KCNQ5: variants seen among roughly 807,000 people sequenced by gnomAD.
KCNQ5 encodes the protein potassium voltage-gated channel subfamily KQT member 5.
In KCNQ5, 30 loss-of-function variants were observed where a neutral mutation model predicts 98.2. The ratio of observed to expected loss-of-function variants is 0.31; its 90% CI spans 0.23 to 0.41. The LOEUF (loss-of-function observed/expected upper bound fraction) is 0.41. Ranked by LOEUF, KCNQ5 falls within the 10% of genes least tolerant of loss-of-function variation. The pLI, the probability that KCNQ5 is intolerant of heterozygous loss-of-function variation, is 1.00. For missense variants in KCNQ5, 835 were observed against 1,182.5 expected (o/e 0.71, Z 4.31); for synonymous variants, 458 against 449.4 (o/e 1.02, Z -0.24).
intron 1 of KCNQ5, among the ~76,000 whole-genome samples, chr6:72,939,156 G>T (rs1041849636): frequency 2.0e-5 from 3 of 152,118 alleles, no homozygotes; most frequent in Non-Finnish European, 2.9e-5. Context: ...TTTGGCGAGC[G>T]GGTGGAAGCT....
intron 10 of KCNQ5, among the ~76,000 whole-genome samples, chr6:73,169,106 A>G (rs1777908184): frequency 6.6e-6 from 1 of 152,242 alleles, no homozygotes; most frequent in Non-Finnish European, 1.5e-5. Flanking sequence ...GGCATTTATT[A>G]TAACCCTGCT....
intron 1 of KCNQ5, among the ~76,000 whole-genome samples, chr6:72,645,467 C>T (rs1765551379): frequency 6.6e-6 from 1 of 151,388 alleles, no homozygotes; most frequent in South Asian, 2.1e-4. Flanking sequence ...ATTCTTATTG[C>T]AGGTTGCCAG....
chr6:73,066,310 C>T (rs941693788), intron 3 of KCNQ5, among the ~76,000 whole-genome samples: 4 of 152,130 alleles, frequency 2.6e-5, no homozygotes, highest in African/African-American at 9.7e-5. Context: ...TGACTCCACC[C>T]TCATCCTGCT....
At chr6:73,095,567 A>G (rs2153841) in intron 5 of KCNQ5, among the ~76,000 whole-genome samples, 133,665 of 152,140 alleles carry the variant, frequency 0.88, 59,288 homozygotes, top group South Asian at 0.96. Context: ...CAGAGGGAAG[A>G]TCTAGGGCTG....
At chr6:72,741,208 T>A (rs1771116420) in intron 1 of KCNQ5, among the ~76,000 whole-genome samples, 1 of 152,276 alleles carries the variant, frequency 6.6e-6, no homozygotes, top group East Asian at 1.9e-4. Flanking sequence ...CCAGTGAAAA[T>A]GTTCTGAAAA....
chr6:72,917,771 A>G (rs1780219540), intron 1 of KCNQ5, among the ~76,000 whole-genome samples: 2 of 151,802 alleles, frequency 1.3e-5, no homozygotes, highest in African/African-American at 4.8e-5. Context: ...ATGCGCGGCC[A>G]GGAGCTCCCT....
intron 10 of KCNQ5, among the ~76,000 whole-genome samples, chr6:73,165,531 C>T (rs1292577443): frequency 6.6e-6 from 1 of 152,208 alleles, no homozygotes; most frequent in East Asian, 1.9e-4. Context: ...CCATGGTGAC[C>T]ACATTGCTCA....
At chr6:73,083,483 A>G (rs1773861513) in intron 5 of KCNQ5, among the ~76,000 whole-genome samples, 1 of 152,222 alleles carries the variant, frequency 6.6e-6, no homozygotes, top group Admixed American at 6.5e-5. Flanking sequence ...ACCACTAAAA[A>G]AAAAGTTAAT....
intron 1 of KCNQ5, among the ~76,000 whole-genome samples, chr6:72,675,862 C>A (rs1400830691): frequency 1.3e-5 from 2 of 152,092 alleles, no homozygotes; most frequent in African/African-American, 4.8e-5. Context: ...AAAAATTGAT[C>A]CATTTTAGAA....
At position 72,691,138 on chromosome 6, in the gene KCNQ5, A is replaced by G. The variant is rs187744893; in HGVS notation, c.398+68551A>G. On this transcript the variant is annotated intron_variant, in intron 1 of 13. Coordinates refer to ENST00000370398, the MANE Select transcript of KCNQ5 (RefSeq NM_019842.4). ...TTATAGTTTCAGAGTATTTGGCATA[A>G]TATATTTGAAAAGAATATTCCCTTC... 1.8e-4 allele frequency among the ~76,000 whole-genome samples: 28 copies of G among 152,328 alleles called. No homozygotes were observed. The East Asian group carries it at 5.0e-3, about 27-fold the overall frequency.
At chr6:72,950,638 G>C (rs1766756345) in intron 1 of KCNQ5, among the ~76,000 whole-genome samples, 1 of 152,216 alleles carries the variant, frequency 6.6e-6, no homozygotes, top group Admixed American at 6.5e-5. Flanking sequence ...CTGCTGCAGT[G>C]ATGAGCACAC....
chr6:73,052,803 C>T (rs1027071361), intron 3 of KCNQ5, among the ~76,000 whole-genome samples: 3 of 152,168 alleles, frequency 2.0e-5, no homozygotes, highest in Non-Finnish European at 4.4e-5. Flanking sequence ...GTACACACAC[C>T]ATTGATGCCA....
At chr6:73,119,326 C>T (rs1252731019) in intron 7 of KCNQ5, among the ~76,000 whole-genome samples, 2 of 152,232 alleles carry the variant, frequency 1.3e-5, no homozygotes, top group African/African-American at 2.4e-5. Flanking sequence ...CTCAACTCCA[C>T]CAACTTTGTA....
intron 10 of KCNQ5, among the ~76,000 whole-genome samples, chr6:73,141,541 T>C (rs763449201): frequency 5.9e-5 from 9 of 152,242 alleles, no homozygotes; most frequent in Non-Finnish European, 1.3e-4. Context: ...TTCTGTCCCA[T>C]GGTTTGTTGT....
At chr6:72,665,971 A>G (rs1265466009) in intron 1 of KCNQ5, among the ~76,000 whole-genome samples, 2 of 151,954 alleles carry the variant, frequency 1.3e-5, no homozygotes, top group Non-Finnish European at 2.9e-5. Context: ...CTTACTCACT[A>G]CTCTTGGCTT....
At chr6:72,775,777 T>C (rs559911089) in intron 1 of KCNQ5, among the ~76,000 whole-genome samples, 2 of 152,258 alleles carry the variant, frequency 1.3e-5, no homozygotes, top group South Asian at 2.1e-4. Context: ...CATGCCCACA[T>C]TGAGGGACAT....
intron 1 of KCNQ5, among the ~76,000 whole-genome samples, chr6:72,692,707 T>C (rs949763964): frequency 5.3e-5 from 8 of 152,322 alleles, no homozygotes; most frequent in African/African-American, 1.9e-4. Flanking sequence ...AGTGAGTCCT[T>C]TTACCCTGGT....
intron 3 of KCNQ5, among the ~76,000 whole-genome samples, chr6:73,063,008 A>T (rs1772849252): frequency 6.6e-6 from 1 of 152,212 alleles, no homozygotes; most frequent in Non-Finnish European, 1.5e-5. Context: ...TTTACAGGTC[A>T]CAATGTCAAA....
intron 1 of KCNQ5, among the ~76,000 whole-genome samples, chr6:73,000,983 T>G (rs981037296): frequency 6.6e-6 from 1 of 152,226 alleles, no homozygotes; most frequent in Non-Finnish European, 1.5e-5. Context: ...ACTTTGATAA[T>G]TCTCGTTCCA....
Sources: allele counts gnomAD v4.1 joint callset (sites outside exome capture counted in the v4.1 genomes callset), GRCh38; gene constraint gnomAD v4.1.1; transcripts MANE v1.5; gene names NCBI Gene and HGNC (gene_info 2026-07-23, HGNC 2026-07-21).